Variants in OPCML observed in about 807,000 individuals in gnomAD.
OPCML encodes opioid-binding protein/cell adhesion molecule.
In OPCML, 13 loss-of-function variants were observed where a neutral mutation model predicts 37.8. The observed-to-expected ratio is 0.34, with a 90% CI of 0.22 to 0.55. The LOEUF is 0.55. OPCML is among the 20% of genes least tolerant of loss of function. The pLI, the probability that OPCML is intolerant of heterozygous loss-of-function variation, is 0.91. For synonymous variants in OPCML, 176 were observed against 168.8 expected, an observed-to-expected ratio of 1.04 and a Z score of -0.33; for missense variants, 341 against 435.6, an observed-to-expected ratio of 0.78 and a Z score of 1.93.
intron 2 of OPCML, among the ~76,000 whole-genome samples, chr11:132,720,803 T>C (rs1431286425): frequency 6.6e-6 from 1 of 152,208 alleles, no homozygotes; most frequent in Non-Finnish European, 1.5e-5. Context: ...AAAATTCTTC[T>C]TAAAATCACA....
intron 2 of OPCML, among the ~76,000 whole-genome samples, chr11:132,746,930 A>T (rs773144391): frequency 6.6e-6 from 1 of 152,136 alleles, no homozygotes; most frequent in Non-Finnish European, 1.5e-5. Flanking sequence ...CTGCTTGCTG[A>T]CTGTGTGGCC....
At chr11:133,302,288 C>T (rs1185451923) in intron 1 of OPCML, 3 of 152,260 alleles carry the variant, frequency 2.0e-5, no homozygotes, top group Middle Eastern at 3.3e-3. Context: ...AGTGAGTTCT[C>T]GGGAGATCTG....
Position 133,016,394 on chromosome 11 carries a change from A to T in OPCML, c.62-73384T>A, listed in dbSNP as rs541335937. Among the ~76,000 whole-genome samples the T allele has an allele frequency of 4.6e-5, 7 of 152,272 alleles. No individual in the cohort carries two copies. The East Asian group carries it at 1.4e-3, about 29-fold the overall frequency. Reference sequence around the variant, plus strand: ...GCTATTGACCATGGGCTGCTCATGGACATTCCTTGATATGGGCTCCCTTCG... The same window carrying T: ...GCTATTGACCATGGGCTGCTCATGGTCATTCCTTGATATGGGCTCCCTTCG... On this transcript the variant is annotated intron_variant, in intron 1 of 7. Transcript: ENST00000524381.
At chr11:132,636,404 C>A (rs1940501739) in intron 3 of OPCML, among the ~76,000 whole-genome samples, 1 of 152,186 alleles carries the variant, frequency 6.6e-6, no homozygotes, top group African/African-American at 2.4e-5. Flanking sequence ...GCTCATGTAG[C>A]TTTGCACTTT....
intron 2 of OPCML, among the ~76,000 whole-genome samples, chr11:132,933,017 T>C (rs1163988473): frequency 6.6e-6 from 1 of 152,128 alleles, no homozygotes; most frequent in Admixed American, 6.5e-5. Flanking sequence ...TACTTTATCT[T>C]ACATTTCACT....
chr11:132,661,698 C>T (rs2135787096), intron 2 of OPCML, among the ~76,000 whole-genome samples: 1 of 152,300 alleles, frequency 6.6e-6, no homozygotes, highest in South Asian at 2.1e-4. Context: ...CCAAGCTAAC[C>T]CTACCTACTG....
chr11:133,448,793 TATC>T, intron 1 of OPCML, among the ~76,000 whole-genome samples: 1 of 152,342 alleles, frequency 6.6e-6, no homozygotes, highest in East Asian at 1.9e-4. Context: ...AAGTCTTGGA[TATC>T]ATCATCTAGA....
At chr11:132,759,126 A>T (rs1221265634) in intron 2 of OPCML, among the ~76,000 whole-genome samples, 1 of 152,210 alleles carries the variant, frequency 6.6e-6, no homozygotes, top group Admixed American at 6.5e-5. Context: ...ATGTTGAACC[A>T]GCCTTGCATA....
intron 1 of OPCML, among the ~76,000 whole-genome samples, chr11:133,037,816 C>G (rs1007675169): frequency 1.3e-5 from 2 of 152,142 alleles, no homozygotes; most frequent in Admixed American, 6.5e-5. Context: ...GAAAAAGGGC[C>G]AAGACTTTAA....
chr11:133,260,476 C>T (rs889656894), intron 1 of OPCML, among the ~76,000 whole-genome samples: 12 of 151,948 alleles, frequency 7.9e-5, no homozygotes, highest in African/African-American at 2.9e-4. Flanking sequence ...GACGTACAGT[C>T]CTCAAAGGTG....
chr11:133,210,700 G>A (rs893682819), intron 1 of OPCML, among the ~76,000 whole-genome samples: 1 of 152,110 alleles, frequency 6.6e-6, no homozygotes, highest in Non-Finnish European at 1.5e-5. Flanking sequence ...TTCTTTTGGG[G>A]TAAATGTGAA....
At chr11:132,872,947 C>T (rs1565926780) in intron 2 of OPCML, among the ~76,000 whole-genome samples, 1 of 151,446 alleles carries the variant, frequency 6.6e-6, no homozygotes, top group Non-Finnish European at 1.5e-5. Flanking sequence ...CTGGGAAATG[C>T]TGTGGCTGGC....
At chr11:132,762,175 C>G (rs1315727312) in intron 2 of OPCML, among the ~76,000 whole-genome samples, 1 of 152,224 alleles carries the variant, frequency 6.6e-6, no homozygotes, top group African/African-American at 2.4e-5. Flanking sequence ...CTGCTCCTTC[C>G]TCTGGAAGCT....
At position 133,532,347 on chromosome 11, in the gene OPCML, C is replaced by T. The variant is rs941521470; in HGVS notation, c.-23G>A. 6.2e-7 allele frequency: 1 copy of T among 1,611,316 alleles called. No individual in the cohort carries two copies. Among genetic ancestry groups the T allele is most frequent in the South Asian group, 1.1e-5 (1 of 90,414 alleles). The stretch of plus-strand genomic sequence containing the variant: ...CATCTCGACGCTGCGGTGCTCTCAG[C>T]TGCCGGGCTTGCTACTGCTTCTGCT... On this transcript the variant is annotated 5_prime_UTR_variant, in exon 1 of 8. Transcript: ENST00000524381.
intron 1 of OPCML, among the ~76,000 whole-genome samples, chr11:133,203,685 G>A (rs779477844): frequency 4.6e-5 from 7 of 152,176 alleles, no homozygotes; most frequent in Non-Finnish European, 8.8e-5. Context: ...TGGTAATGAG[G>A]TATACCTGTA....
rs1426153733 is a variant in OPCML, at chr11:132,669,911, AG to A, written c.147-12593del. On this transcript the variant is annotated intron_variant, in intron 2 of 7. Transcript: ENST00000524381. ...GCCTGCTTGTTATATAGAGCCTTTT[AG>A]GGAGCTACCCACTGACTAGTCAGGG... Among the ~76,000 whole-genome samples the A allele has an allele frequency of 2.0e-5, 3 of 152,282 alleles. No homozygotes were observed. The East Asian group carries it at 5.8e-4, about 30-fold the overall frequency.
intron 1 of OPCML, among the ~76,000 whole-genome samples, chr11:133,131,311 C>T (rs540250064): frequency 5.3e-5 from 8 of 152,192 alleles, no homozygotes; most frequent in South Asian, 4.2e-4. Context: ...ACAGACCTTA[C>T]GTCTTTCCCC....
intron 2 of OPCML, among the ~76,000 whole-genome samples, chr11:132,782,331 C>A (rs1171698575): frequency 6.6e-6 from 1 of 152,014 alleles, no homozygotes; most frequent in Admixed American, 6.6e-5. Flanking sequence ...ATGGCCCTGG[C>A]ATGGCACTGC....
intron 2 of OPCML, among the ~76,000 whole-genome samples, chr11:132,847,039 T>C (rs1398983660): frequency 2.6e-5 from 4 of 152,230 alleles, no homozygotes; most frequent in Non-Finnish European, 5.9e-5. Context: ...GGCTATCTGC[T>C]GTCTAATGGG....
Sources: allele counts gnomAD v4.1 joint callset (sites outside exome capture counted in the v4.1 genomes callset), GRCh38; gene constraint gnomAD v4.1.1; transcripts MANE v1.5; gene names NCBI Gene and HGNC (gene_info 2026-07-23, HGNC 2026-07-21).